LPIN1: variants seen among roughly 807,000 people sequenced by gnomAD.
LPIN1 encodes the protein lipin 1.
A neutral mutation model predicts 107.5 loss-of-function variants in LPIN1; 71 were observed. The ratio of observed to expected loss-of-function variants is 0.66; its 90% CI spans 0.55 to 0.80. The LOEUF (loss-of-function observed/expected upper bound fraction) is 0.80, where lower values mean the gene tolerates loss of function less well. Ranked by LOEUF, LPIN1 falls within the 30% of genes least tolerant of loss-of-function variation. The probability of loss-of-function intolerance (pLI) is 0.00; values close to 1 mark genes in which losing one functional copy is unlikely to be tolerated. For synonymous variants in LPIN1, 445 were observed against 452.6 expected (o/e 0.98, Z 0.21); for missense variants, 1,043 against 1,160.6 (o/e 0.90, Z 1.47).
In LPIN1 at chr2:11,691,075, CTTG is replaced by C. The variant is rs1234491710; in HGVS notation, c.81+13352_81+13354del. ...GCTCATTTTGAGTGGATTTAAAAAT[CTTG>C]TTGTGGTTTTTTTTTTTTTTTCTCT... On this transcript the variant is annotated intron_variant, in intron 1 of 21. Transcript: ENST00000449576. 3.7e-3 allele frequency among the ~76,000 whole-genome samples: 494 copies of C among 135,080 alleles called. 6 individuals carry two copies. Among genetic ancestry groups the C allele is most frequent in the African/African-American group, 0.014 (472 of 34,412 alleles). 88.6% of individuals were successfully genotyped at this position (135,080 alleles called of 152,430 possible).
intron 4 of LPIN1, among the ~76,000 whole-genome samples, chr2:11,773,072 T>C (rs942274428): frequency 9.2e-5 from 14 of 152,230 alleles, no homozygotes; most frequent in Admixed American, 8.5e-4. Context: ...CTCTGCATGA[T>C]TGAAATTGTG....
At chr2:11,800,040 A>G (rs1329681025) in intron 14 of LPIN1, among the ~76,000 whole-genome samples, 3 of 152,030 alleles carry the variant, frequency 2.0e-5, no homozygotes, top group African/African-American at 7.2e-5. Context: ...TCCTGTTCCC[A>G]TGGCGTATTC....
At chr2:11,705,610 G>A (rs914238004) in intron 1 of LPIN1, among the ~76,000 whole-genome samples, 2 of 152,146 alleles carry the variant, frequency 1.3e-5, no homozygotes, top group Non-Finnish European at 2.9e-5. Context: ...CGGACAGGGA[G>A]AGTAGCATGT....
chr2:11,765,679 C>G lies in LPIN1; in HGVS notation c.138C>G (p.Ser46=), dbSNP rs192688285. ...AGCCCAATGGAAACCTCCAATGCTC[C>G]CCTTTCCACGTCCGCTTTGGGAAGA... ...IRQPNGNLQC[S]PFHVRFGKMG... Residue 46 remains serine, a synonymous_variant, in exon 2 of 21, where the codon TCC becomes TCG. Transcript: ENST00000674199. This position sits in a 1 kb window ranked among gnomAD's most constrained non-coding sequence, Gnocchi z 4.4. The G allele has an allele frequency of 1.8e-4, 289 of 1,613,876 alleles. 1 individual carries two copies. In the East Asian group the frequency reaches 2.3e-3, roughly 13 times the overall value.
intron 14 of LPIN1, among the ~76,000 whole-genome samples, chr2:11,797,456 A>T: frequency 6.6e-6 from 1 of 152,224 alleles, no homozygotes; most frequent in East Asian, 1.9e-4. Context: ...TGAATGCAGG[A>T]TGTCTGCCAA....
intron 1 of LPIN1, among the ~76,000 whole-genome samples, chr2:11,700,133 C>G (rs761209807): frequency 6.6e-6 from 1 of 152,134 alleles, no homozygotes; most frequent in African/African-American, 2.4e-5. Flanking sequence ...AGCCCAATGG[C>G]CTCTGATAGC....
chr2:11,717,870 C>T (rs979732389), intron 2 of LPIN1, among the ~76,000 whole-genome samples: 12 of 152,120 alleles, frequency 7.9e-5, no homozygotes, highest in Admixed American at 3.9e-4. Flanking sequence ...AATTCAAACC[C>T]ACAGATGTCC....
At chr2:11,789,087 T>C (rs913584477) in intron 12 of LPIN1, among the ~76,000 whole-genome samples, 11 of 152,286 alleles carry the variant, frequency 7.2e-5, no homozygotes, top group African/African-American at 2.7e-4. Flanking sequence ...ATGATAGATC[T>C]TCCTGCTAGA....
intron 1 of LPIN1, among the ~76,000 whole-genome samples, chr2:11,727,901 G>A (rs138986358): frequency 1.1e-3 from 169 of 152,300 alleles, no homozygotes; most frequent in African/African-American, 3.7e-3. Flanking sequence ...TACAGCATTC[G>A]TGAGATGCAG....
chr2:11,743,887 G>A (rs1177587924), upstream of LPIN1, among the ~76,000 whole-genome samples: 4 of 152,144 alleles, frequency 2.6e-5, no homozygotes, highest in African/African-American at 4.8e-5. The surrounding 1 kb of genome is among the most constrained non-coding windows in gnomAD (Gnocchi z 4.7). Context: ...CAGAGTTCTC[G>A]GGATACAACA....
chr2:11,796,355 G>A lies in LPIN1; in HGVS notation c.1886+868G>A, dbSNP rs545619606. Among the ~76,000 whole-genome samples, 12 of 152,216 alleles carry A rather than the reference G, an allele frequency of 7.9e-5. No individual in the cohort carries two copies. In the South Asian group the frequency reaches 1.5e-3, roughly 18 times the overall value. On this transcript the variant is annotated intron_variant, in intron 14 of 20. Coordinates refer to ENST00000674199, the MANE Select transcript of LPIN1 (RefSeq NM_001349206.2). ...GTTGATTTATGGGAGAGGCAGGCGT[G>A]GATTTCCATTCCTCTGAATCCCGGC...
intron 8 of LPIN1, 126 bp from the exon 9 acceptor site, chr2:11,783,703 C>T (rs1673959093): frequency 1.2e-6 from 1 of 806,702 alleles, no homozygotes; most frequent in Admixed American, 1.7e-5. Flanking sequence ...TGTTGTGGTT[C>T]TTGGGCAGTT....
At chr2:11,681,145 T>C (rs1443568117) in intron 1 of LPIN1, among the ~76,000 whole-genome samples, 3 of 152,154 alleles carry the variant, frequency 2.0e-5, no homozygotes, top group African/African-American at 4.8e-5. Flanking sequence ...GGAAAATGCA[T>C]GGAGCCAGGT....
intron 2 of LPIN1, among the ~76,000 whole-genome samples, chr2:11,716,687 CT>C (rs899411957): frequency 9.9e-5 from 15 of 152,154 alleles, no homozygotes; most frequent in African/African-American, 3.1e-4. Context: ...TCTCCATGGA[CT>C]GGAGACATGT....
chr2:11,810,823 C>CT (rs1265380669), intron 17 of LPIN1, among the ~76,000 whole-genome samples: 1 of 152,224 alleles, frequency 6.6e-6, no homozygotes, highest in African/African-American at 2.4e-5. Context: ...AGTCTAGAAG[C>CT]TTGCAAAATG....
At chr2:11,702,821 C>T (rs1471646208) in intron 1 of LPIN1, among the ~76,000 whole-genome samples, 3 of 152,170 alleles carry the variant, frequency 2.0e-5, no homozygotes, top group African/African-American at 7.2e-5. Context: ...CACTATGGCA[C>T]AAGCTACTCT....
chr2:11,819,532 A>G lies in LPIN1; in HGVS notation c.2451A>G (p.Thr817=), dbSNP rs537788565. The change falls in exon 19 of 21, where the codon ACA becomes ACG. Residue 817 remains threonine (T), a synonymous_variant. Transcript: ENST00000674199. ...AAAAGTTTAAAGTCCAGTGTTTGACAGACATCAAAAACCTGTTTTTCCCCA... is the reference window on the plus strand; with the variant it reads ...AAAAGTTTAAAGTCCAGTGTTTGACGGACATCAAAAACCTGTTTTTCCCCA... The part of the protein sequence containing the change: ...KPEKFKVQCL[T]DIKNLFFPNT... 6.2e-7 allele frequency: 1 copy of G among 1,614,084 alleles called. No individual in the cohort carries two copies. Among genetic ancestry groups the G allele is most frequent in the Admixed American group, 1.7e-5 (1 of 60,034 alleles).
intron 1 of LPIN1, among the ~76,000 whole-genome samples, chr2:11,738,677 G>C (rs1351301680): frequency 6.6e-6 from 1 of 152,216 alleles, no homozygotes; most frequent in African/African-American, 2.4e-5. Context: ...GCAGTGCCAG[G>C]AGAGGGAGCC....
In LPIN1 at chr2:11,803,210, G is replaced by A. The variant is rs1225949531; in HGVS notation, c.2013+177G>A. On this transcript the variant is annotated intron_variant, in intron 15 of 20. Transcript: ENST00000674199. The surrounding 1 kb of genome is among the most constrained non-coding windows in gnomAD (Gnocchi z 4.2). ...CCCCAACTCCAGCACTATCCAGGCT[G>A]GGTCCCCAATATGACCTTGCCTTTT... Among the ~76,000 whole-genome samples, 2 of 152,188 alleles carry A rather than the reference G, an allele frequency of 1.3e-5. No individual in the cohort carries two copies. The highest frequency in any genetic ancestry group is 4.8e-5 in the African/African-American group (2 of 41,454).
Sources: gnomAD v4.1 joint callset for allele counts (sites outside exome capture counted in the v4.1 genomes callset) on GRCh38, gnomAD v4.1.1 for gene constraint, Gnocchi (gnomAD v3.1) non-coding constraint, MANE v1.5 for transcripts, NCBI Gene and HGNC (gene_info 2026-07-23, HGNC 2026-07-21) for gene names.